Variants in DENR observed in about 807,000 individuals in gnomAD.
The protein encoded by DENR is density regulated re-initiation and release factor.
In DENR, 6 loss-of-function variants were observed where a neutral mutation model predicts 30.6. That is an observed-to-expected ratio of 0.20 (90% CI 0.11 to 0.39). DENR has a LOEUF of 0.39. Ranked by LOEUF, DENR falls within the 10% of genes least tolerant of loss-of-function variation. DENR has a pLI of 1.00. For missense variants in DENR, 141 were observed against 230.9 expected (o/e 0.61, Z 2.52); for synonymous variants, 78 against 72.1 (o/e 1.08, Z -0.41).
intron 3 of DENR, 125 bp from the exon 4 acceptor site, chr12:122,762,720 G>T: frequency 1.5e-6 from 1 of 667,102 alleles, no homozygotes; most frequent in Non-Finnish European, 2.5e-6. Context: ...CTGTGGATAA[G>T]AAGTCAGATG....
chr12:122,764,429 C>CT (rs1168098133), intron 4 of DENR, among the ~76,000 whole-genome samples: 1 of 152,102 alleles, frequency 6.6e-6, no homozygotes, highest in African/African-American at 2.4e-5. Context: ...GAAACCCTGT[C>CT]TTTACTAAAA....
chr12:122,765,975 C>T (rs1202274558), intron 5 of DENR, among the ~76,000 whole-genome samples: 20 of 151,990 alleles, frequency 1.3e-4, no homozygotes, highest in Admixed American at 1.3e-3. Context: ...CCTGTACCCA[C>T]CTGTTTCATT....
Position 122,753,736 on chromosome 12 carries a change from A to T in DENR, c.35A>T (p.Asp12Val), listed in dbSNP as rs763752003. The change falls in exon 2 of 8, where the codon GAC becomes GTC. Residue 12 changes from aspartate (D) to valine (V), a missense_variant. Asp to Val is a radical substitution (Grantham distance 152). This residue lies in a region of DENR where 104 missense variants were observed against 138.3 expected (regional missense o/e 0.75). Coordinates refer to ENST00000280557, the MANE Select transcript of DENR (RefSeq NM_003677.5). ...AADISESSGA[D>V]CKGDPRNSAK... ...GACATTTCTGAATCCAGCGGGGCTGACTGCAAAGGAGACCCAAGGAACAGT... is the reference window on the plus strand; with the variant it reads ...GACATTTCTGAATCCAGCGGGGCTGTCTGCAAAGGAGACCCAAGGAACAGT... 1 of 1,614,052 alleles carries T rather than the reference A, an allele frequency of 6.2e-7. No individual in the cohort carries two copies. Among genetic ancestry groups the T allele is most frequent in the Non-Finnish European group, 8.5e-7 (1 of 1,179,904 alleles).
intron 4 of DENR, among the ~76,000 whole-genome samples, chr12:122,763,661 A>G (rs182051980): frequency 5.9e-5 from 9 of 152,336 alleles, no homozygotes; most frequent in Admixed American, 2.0e-4. Flanking sequence ...AGATGGCACC[A>G]TTGCACGCCA....
Position 122,767,934 on chromosome 12 carries a change from A to G in DENR, c.412+330A>G, listed in dbSNP as rs551311659. ...AGGCATGGTGGCAAAAGGTTGCAAAATGGCTCATCCCCTCTGGGAATGACA... is the reference window on the plus strand; with the variant it reads ...AGGCATGGTGGCAAAAGGTTGCAAAGTGGCTCATCCCCTCTGGGAATGACA... On this transcript the variant is annotated intron_variant, in intron 6 of 7. Coordinates refer to ENST00000280557, the MANE Select transcript of DENR (RefSeq NM_003677.5). Among the ~76,000 whole-genome samples, 4 of 152,286 alleles carry G rather than the reference A, an allele frequency of 2.6e-5. No individual in the cohort carries two copies. The East Asian group carries it at 7.7e-4, about 29-fold the overall frequency.
intron 3 of DENR, among the ~76,000 whole-genome samples, chr12:122,762,550 TTC>T (rs1878730701): frequency 6.6e-6 from 1 of 152,244 alleles, no homozygotes; most frequent in Non-Finnish European, 1.5e-5. Context: ...GTGTAAGACT[TTC>T]TAAGTCCAGC....
chr12:122,754,930 G>C (rs1274755166), intron 2 of DENR, among the ~76,000 whole-genome samples: 1 of 152,088 alleles, frequency 6.6e-6, no homozygotes, highest in Non-Finnish European at 1.5e-5. Flanking sequence ...GGTGAAAAAG[G>C]AAAAAGATAT....
chr12:122,761,515 A>G (rs762635030), intron 2 of DENR, among the ~76,000 whole-genome samples: 5 of 152,224 alleles, frequency 3.3e-5, no homozygotes, highest in Admixed American at 6.5e-5. Context: ...CTGTTTTGGT[A>G]GAACCATCAA....
chr12:122,767,268 G>A (rs1878874919), intron 5 of DENR, among the ~76,000 whole-genome samples: 2 of 152,148 alleles, frequency 1.3e-5, no homozygotes, highest in African/African-American at 4.8e-5. Flanking sequence ...TGGAGGGCAG[G>A]GGCTATGTTC....
chr12:122,767,804 C>CT (rs1878886785), intron 6 of DENR, among the ~76,000 whole-genome samples, 200 bp downstream of exon 6: 1 of 152,144 alleles, frequency 6.6e-6, no homozygotes, highest in African/African-American at 2.4e-5. Flanking sequence ...GTAGAGGGGA[C>CT]TTTTTACTTT....
At position 122,759,440 on chromosome 12, in the gene DENR, C is replaced by T. The variant is rs371135163; in HGVS notation, c.107-2747C>T. The stretch of plus-strand genomic sequence containing the variant: ...TAGAATTTTGCTGAACCGGGCCAGG[C>T]ACAGTGGCTCACACCTGTAATCACA... On this transcript the variant is annotated intron_variant, in intron 2 of 7. Transcript: ENST00000280557. Among the ~76,000 whole-genome samples, 15 of 152,296 alleles carry T rather than the reference C, an allele frequency of 9.8e-5. No individual in the cohort carries two copies. In the South Asian group the frequency reaches 1.7e-3, roughly 17 times the overall value.
chr12:122,762,821 C>A, intron 3 of DENR, 24 bp from the exon 4 acceptor site: 1 of 1,439,284 alleles, frequency 6.9e-7, no homozygotes, highest in Non-Finnish European at 9.5e-7. Context: ...TTTGTTGTGA[C>A]TCAGTTCTTT....
chr12:122,765,491 C>T, intron 5 of DENR, 104 bp downstream of exon 5: 2 of 998,022 alleles, frequency 2.0e-6, no homozygotes, highest in Non-Finnish European at 3.0e-6. Flanking sequence ...ATGGTGGGCG[C>T]CTATAGTCAC....
In DENR at chr12:122,769,356, CTCG is replaced by C; in HGVS notation, c.*281_*283del. Reference sequence around the variant, plus strand: ...TTCTACAGTAAAACTGTAGACTGTCCTCGTCCTTGGCATTTTCACTGTTCTGTA... The same window carrying C: ...TTCTACAGTAAAACTGTAGACTGTCCTCCTTGGCATTTTCACTGTTCTGTA... On this transcript the variant is annotated 3_prime_UTR_variant, in exon 8 of 8. Transcript: ENST00000280557. The C allele has an allele frequency of 1.0e-6, 1 of 987,046 alleles. No individual in the cohort carries two copies. Among genetic ancestry groups the C allele is most frequent in the Non-Finnish European group, 1.2e-6 (1 of 834,552 alleles). The allele number at this position is 987,046 out of a possible 1,614,324, so 61.1% of individuals were successfully genotyped here. A position where few individuals can be genotyped will look rare whatever the true frequency, so the allele number is the denominator to read the frequency against.
chr12:122,766,017 T>A (rs1878839260), intron 5 of DENR, among the ~76,000 whole-genome samples: 1 of 151,640 alleles, frequency 6.6e-6, no homozygotes, highest in Admixed American at 6.6e-5. Flanking sequence ...TGACTAAAAT[T>A]CACTTATAAA....
At chr12:122,761,875 T>C (rs1878710273) in intron 2 of DENR, among the ~76,000 whole-genome samples, 1 of 152,218 alleles carries the variant, frequency 6.6e-6, no homozygotes, top group Non-Finnish European at 1.5e-5. Context: ...GTTCGTGTCT[T>C]AGCTTAATTT....
chr12:122,768,492 C>G (rs982809740), intron 6 of DENR, among the ~76,000 whole-genome samples: 31 of 147,130 alleles, frequency 2.1e-4, no homozygotes, highest in Non-Finnish European at 3.9e-4. Context: ...AGCAAGACTC[C>G]GTCTCAAAAA....
rs377100671 is a variant in DENR, at chr12:122,766,757, C to T, written c.296-731C>T. On this transcript the variant is annotated intron_variant, in intron 5 of 7. Coordinates refer to ENST00000280557, the MANE Select transcript of DENR (RefSeq NM_003677.5). The stretch of plus-strand genomic sequence containing the variant: ...GCTTCTGTTCTTTCTCCTCCCTCCT[C>T]TCCTGCCTGTGGCCTAGTGGCCATT... Among the ~76,000 whole-genome samples, 13 of 152,328 alleles carry T rather than the reference C, an allele frequency of 8.5e-5. No individual in the cohort carries two copies. In the South Asian group the frequency reaches 1.5e-3, roughly 17 times the overall value.
chr12:122,760,906 A>G (rs1878681496), intron 2 of DENR, among the ~76,000 whole-genome samples: 1 of 152,212 alleles, frequency 6.6e-6, no homozygotes, highest in African/African-American at 2.4e-5. Context: ...CTTATGTAGC[A>G]TAACATGAAA....
Sources: allele counts gnomAD v4.1 joint callset (sites outside exome capture counted in the v4.1 genomes callset), GRCh38; gene constraint gnomAD v4.1.1; regional missense constraint gnomAD v4.1.1; transcripts MANE v1.5; gene names NCBI Gene and HGNC (gene_info 2026-07-23, HGNC 2026-07-21).